PRKCA: variants seen among roughly 807,000 people sequenced by gnomAD.
The protein encoded by PRKCA is protein kinase C alpha type.
PRKCA carries 27 observed loss-of-function variants against 87.0 expected under a neutral mutation model. That is an observed-to-expected ratio of 0.31 (90% CI 0.23 to 0.43). The LOEUF is 0.43. Ranked by LOEUF, PRKCA falls within the 20% of genes least tolerant of loss-of-function variation. PRKCA has a pLI of 1.00. For missense variants in PRKCA, 518 were observed against 852.3 expected, an observed-to-expected ratio of 0.61 and a Z score of 4.88; for synonymous variants, 329 against 311.1, an observed-to-expected ratio of 1.06 and a Z score of -0.61.
intron 2 of PRKCA, among the ~76,000 whole-genome samples, chr17:66,421,655 C>T (rs1912502769): frequency 6.6e-6 from 1 of 151,782 alleles, no homozygotes; most frequent in Non-Finnish European, 1.5e-5. Context: ...GCCTCAGCCT[C>T]CCAGGTAGCT....
At chr17:66,760,888 A>T (rs976713261) in intron 13 of PRKCA, among the ~76,000 whole-genome samples, 1 of 152,158 alleles carries the variant, frequency 6.6e-6, no homozygotes, top group African/African-American at 2.4e-5. Flanking sequence ...CTTTCATTTG[A>T]TCCTCTTCTG....
chr17:66,470,196 T>G (rs2144010433), intron 2 of PRKCA, among the ~76,000 whole-genome samples: 1 of 143,126 alleles, frequency 7.0e-6, no homozygotes, highest in African/African-American at 2.8e-5. Flanking sequence ...TTTGCTTTTT[T>G]TTTTTTTTTT....
chr17:66,444,397 G>T (rs1020729009), intron 2 of PRKCA, among the ~76,000 whole-genome samples: 3 of 152,282 alleles, frequency 2.0e-5, no homozygotes, highest in Middle Eastern at 3.4e-3. Flanking sequence ...ATAGTTTAAT[G>T]GGCCGCCTTT....
chr17:66,438,019 G>C (rs1292933848), intron 2 of PRKCA, among the ~76,000 whole-genome samples: 1 of 152,010 alleles, frequency 6.6e-6, no homozygotes, highest in Non-Finnish European at 1.5e-5. Flanking sequence ...GGGGTTTGGG[G>C]GGTGGGTGTG....
rs147675224 is a variant in PRKCA, at chr17:66,336,388, C to T, written c.205+30261C>T. On this transcript the variant is annotated intron_variant, in intron 2 of 16. Coordinates refer to ENST00000413366, the MANE Select transcript of PRKCA (RefSeq NM_002737.3). ...GTAAGAGATGGGGCTTCTGTAAGGA[C>T]GTGATGTTTAAGCCAAAATCTCGTT... Among the ~76,000 whole-genome samples, 1,334 of 152,212 alleles carry T rather than the reference C, an allele frequency of 8.8e-3. 17 individuals carry two copies. The highest frequency in any genetic ancestry group is 0.017 in the Middle Eastern group (5 of 294).
At chr17:66,400,343 G>A (rs959689844) in intron 2 of PRKCA, among the ~76,000 whole-genome samples, 1 of 152,152 alleles carries the variant, frequency 6.6e-6, no homozygotes, top group Non-Finnish European at 1.5e-5. Context: ...GTAGAGATGC[G>A]GTTTTGCCAT....
At chr17:66,610,944 A>G (rs1254639421) in intron 3 of PRKCA, among the ~76,000 whole-genome samples, 1 of 152,182 alleles carries the variant, frequency 6.6e-6, no homozygotes, top group African/African-American at 2.4e-5. Flanking sequence ...AGTACAAGGA[A>G]GTTGGGCTTC....
chr17:66,303,793 A>G (rs1442891838), intron 1 of PRKCA, among the ~76,000 whole-genome samples: 1 of 151,984 alleles, frequency 6.6e-6, no homozygotes, highest in Non-Finnish European at 1.5e-5. Context: ...ACCTAAGGTC[A>G]GTAGTTCGAG....
chr17:66,465,162 C>T (rs1337783113), intron 2 of PRKCA, among the ~76,000 whole-genome samples: 1 of 152,178 alleles, frequency 6.6e-6, no homozygotes, highest in Non-Finnish European at 1.5e-5. Context: ...TTAATAACCA[C>T]AACTTAACAT....
intron 3 of PRKCA, among the ~76,000 whole-genome samples, chr17:66,508,032 G>T (rs532045953): frequency 3.9e-5 from 6 of 152,284 alleles, no homozygotes; most frequent in African/African-American, 7.2e-5. Flanking sequence ...TTTACAAAGG[G>T]ATCATGAGCC....
chr17:66,705,338 C>T (rs1973164894), intron 8 of PRKCA, among the ~76,000 whole-genome samples: 1 of 152,182 alleles, frequency 6.6e-6, no homozygotes, highest in Non-Finnish European at 1.5e-5. Flanking sequence ...ACCTGGCATT[C>T]AGCTGAGCAG....
intron 2 of PRKCA, among the ~76,000 whole-genome samples, chr17:66,406,608 T>TTG (rs1227764148): frequency 1.4e-5 from 2 of 147,046 alleles, no homozygotes; most frequent in Non-Finnish European, 3.0e-5. Context: ...TTTTTTTTTT[T>TTG]TAAATGTCAT....
At chr17:66,731,775 CTTTTTTTTTTTTT>C (rs796884841) in intron 8 of PRKCA, among the ~76,000 whole-genome samples, 2 of 71,420 alleles carry the variant, frequency 2.8e-5, no homozygotes, top group Non-Finnish European at 5.2e-5. Context: ...TGCTCCCTTT[CTTTTTTTTTTTTT>C]TTTTTTTTTT....
At chr17:66,777,083 C>T (rs1316508780) in intron 14 of PRKCA, 6 of 335,296 alleles carry the variant, frequency 1.8e-5, no homozygotes, top group South Asian at 1.2e-4. Context: ...GTGCTGGCTG[C>T]GACCAATTAT....
At chr17:66,478,057 T>G (rs1029263830) in intron 2 of PRKCA, among the ~76,000 whole-genome samples, 12 of 152,170 alleles carry the variant, frequency 7.9e-5, no homozygotes, top group Non-Finnish European at 1.8e-4. Context: ...AGGTCTGTGC[T>G]TTTCGCCAAA....
intron 3 of PRKCA, among the ~76,000 whole-genome samples, chr17:66,573,060 A>C (rs1969125191): frequency 6.6e-6 from 1 of 152,158 alleles, no homozygotes; most frequent in Non-Finnish European, 1.5e-5. Flanking sequence ...TCTACAGAGG[A>C]ACTTGTTAAT....
intron 3 of PRKCA, among the ~76,000 whole-genome samples, chr17:66,605,352 A>G (rs1379250828): frequency 6.6e-6 from 1 of 152,186 alleles, no homozygotes; most frequent in African/African-American, 2.4e-5. Flanking sequence ...CATGATTTCC[A>G]TGTTGGTGGG....
chr17:66,576,179 G>T (rs995985490), intron 3 of PRKCA, among the ~76,000 whole-genome samples: 3 of 152,166 alleles, frequency 2.0e-5, no homozygotes, highest in Admixed American at 2.0e-4. Flanking sequence ...ATTTCAGATG[G>T]AGGCTGTGCT....
chr17:66,537,314 T>C (rs1193850716), intron 3 of PRKCA, among the ~76,000 whole-genome samples: 1 of 152,172 alleles, frequency 6.6e-6, no homozygotes, highest in East Asian at 1.9e-4. Context: ...TGCAGGTAAG[T>C]ATGATTGAGA....
Sources: allele counts gnomAD v4.1 joint callset (sites outside exome capture counted in the v4.1 genomes callset), GRCh38; gene constraint gnomAD v4.1.1; transcripts MANE v1.5; gene names NCBI Gene and HGNC (gene_info 2026-07-23, HGNC 2026-07-21).